The following CHCHD6 variants were observed in gnomAD, a reference collection of about 807,000 sequenced individuals.
CHCHD6 encodes the protein coiled-coil-helix-coiled-coil-helix domain containing 6, also known as MICOS complex subunit MIC25.
In CHCHD6, 28 loss-of-function variants were observed where a neutral mutation model predicts 32.3. The observed-to-expected ratio is 0.87, with a 90% confidence interval of 0.64 to 1.19. CHCHD6 has a LOEUF of 1.19. Ranked by LOEUF, CHCHD6 falls within the 50% of genes most tolerant of loss-of-function variation. CHCHD6 has a pLI of 0.00. For missense variants in CHCHD6, 333 were observed against 307.0 expected (o/e 1.08, Z -0.63); for synonymous variants, 122 against 117.5 (o/e 1.04, Z -0.25).
chr3:126,752,391 G>C (rs1054936843), intron 4 of CHCHD6, among the ~76,000 whole-genome samples: 13 of 152,198 alleles, frequency 8.5e-5, no homozygotes, highest in African/African-American at 3.1e-4. Context: ...TGTGGTGTGT[G>C]AGCGGAGCCC....
intron 4 of CHCHD6, 48 bp downstream of exon 4, chr3:126,733,270 C>T: frequency 6.4e-7 from 1 of 1,574,690 alleles, no homozygotes; most frequent in East Asian, 2.3e-5. Context: ...GGGCAGCACC[C>T]TGGGAAATAG....
At chr3:126,716,308 C>T (rs994604097) in intron 1 of CHCHD6, among the ~76,000 whole-genome samples, 36 of 152,326 alleles carry the variant, frequency 2.4e-4, no homozygotes, top group Admixed American at 7.8e-4. Context: ...TCATGCCACA[C>T]CTCTCTCTGG....
At position 126,800,022 on chromosome 3, in the gene CHCHD6, A is replaced by G. The variant is rs371186929; in HGVS notation, c.412-52625A>G. 1.8e-4 allele frequency among the ~76,000 whole-genome samples: 27 copies of G among 152,292 alleles called. No homozygotes were observed. In the East Asian group the frequency reaches 4.8e-3, roughly 27 times the overall value. On this transcript the variant is annotated intron_variant, in intron 4 of 7. Transcript: ENST00000290913. The stretch of plus-strand genomic sequence containing the variant: ...TATTTAACCAATTATCTATTATTAT[A>G]TACTTATTTCCTGTTTTTAATATTA...
chr3:126,844,440 C>T (rs1054583964), intron 4 of CHCHD6, among the ~76,000 whole-genome samples: 9 of 152,012 alleles, frequency 5.9e-5, no homozygotes, highest in African/African-American at 1.5e-4. Context: ...ATAATTGTCC[C>T]GTTTATGATT....
chr3:126,779,762 T>G (rs1406809266), intron 4 of CHCHD6, among the ~76,000 whole-genome samples: 1 of 152,200 alleles, frequency 6.6e-6, no homozygotes, highest in African/African-American at 2.4e-5. Flanking sequence ...ATATTTAGTT[T>G]TTGCCAAGCA....
intron 4 of CHCHD6, among the ~76,000 whole-genome samples, chr3:126,823,834 C>T (rs1323451254): frequency 6.6e-6 from 1 of 152,004 alleles, no homozygotes; most frequent in Non-Finnish European, 1.5e-5. Flanking sequence ...ATTGCTTGAG[C>T]CCAGGAGTTT....
At position 126,944,705 on chromosome 3, in the gene CHCHD6, G is replaced by A. The variant is rs115856896; in HGVS notation, c.567-12711G>A. ...AGACGCACAGCACCTGTGTGACAGC[G>A]GGAAGAAGGGCAGGTAACCTTCAGG... On this transcript the variant is annotated intron_variant, in intron 6 of 7. Coordinates refer to ENST00000290913, the MANE Select transcript of CHCHD6 (RefSeq NM_032343.3). Among the ~76,000 whole-genome samples the A allele has an allele frequency of 5.7e-3, 863 of 152,304 alleles. 8 individuals carry two copies. Among genetic ancestry groups the A allele is most frequent in the African/African-American group, 0.02 (824 of 41,558 alleles).
rs150495760 is a variant in CHCHD6 at position 126,784,050 on chromosome 3, A to G, written c.411+50828A>G. On this transcript the variant is annotated intron_variant, in intron 4 of 7. Coordinates refer to ENST00000290913, the MANE Select transcript of CHCHD6 (RefSeq NM_032343.3). ...TCTGTTGACCTCTCCTGGAGACACT[A>G]TGTCTTGTACATGGAGAACTCTTGA... 4.0e-3 allele frequency among the ~76,000 whole-genome samples: 615 copies of G among 152,152 alleles called. 8 individuals are homozygous for G. The highest frequency in any genetic ancestry group is 2.7e-3 in the Non-Finnish European group (185 of 67,998).
intron 1 of CHCHD6, among the ~76,000 whole-genome samples, chr3:126,723,008 A>G (rs996774986): frequency 1.3e-5 from 2 of 152,118 alleles, no homozygotes; most frequent in African/African-American, 4.8e-5. Context: ...GTGCAACTAT[A>G]TTATTTTGCA....
chr3:126,723,007 T>C (rs1054793720), intron 1 of CHCHD6, among the ~76,000 whole-genome samples: 11 of 152,202 alleles, frequency 7.2e-5, no homozygotes, highest in Non-Finnish European at 1.5e-4. Flanking sequence ...TGTGCAACTA[T>C]ATTATTTTGC....
At position 126,848,039 on chromosome 3, in the gene CHCHD6, A is replaced by G. The variant is rs143236976; in HGVS notation, c.412-4608A>G. Among the ~76,000 whole-genome samples the G allele has an allele frequency of 1.8e-3, 270 of 152,216 alleles. 2 individuals carry two copies. The Middle Eastern group carries it at 0.02, about 12-fold the overall frequency. On this transcript the variant is annotated intron_variant, in intron 4 of 7. Coordinates refer to ENST00000290913, the MANE Select transcript of CHCHD6 (RefSeq NM_032343.3). ...CTCTTCTCCAGGCTGGAGTGCAGTG[A>G]TGCGATCATAACTCACCGCAGCCTC...
At chr3:126,855,438 A>C (rs1312071557) in intron 5 of CHCHD6, among the ~76,000 whole-genome samples, 3 of 152,200 alleles carry the variant, frequency 2.0e-5, no homozygotes, top group Non-Finnish European at 4.4e-5. Flanking sequence ...GCGCCTGGCA[A>C]GTGCTGGCTC....
At position 126,947,004 on chromosome 3, in the gene CHCHD6, CAG is replaced by C. The variant is rs1267762428; in HGVS notation, c.567-10409_567-10408del. 2.0e-5 allele frequency among the ~76,000 whole-genome samples: 3 copies of C among 152,358 alleles called. No individual in the cohort carries two copies. The East Asian group carries it at 5.8e-4, about 29-fold the overall frequency. On this transcript the variant is annotated intron_variant, in intron 6 of 7. Transcript: ENST00000290913. ...TATTAAATAAAGTGAAGAGAGCACA[CAG>C]AGGATTTGGGGCCACACGTGTGAGC...
intron 4 of CHCHD6, among the ~76,000 whole-genome samples, chr3:126,799,870 A>G (rs745810299): frequency 6.6e-5 from 10 of 152,162 alleles, no homozygotes; most frequent in Non-Finnish European, 1.2e-4. Context: ...CTTACTTCAT[A>G]TGTTGTTTTG....
chr3:126,715,707 A>C (rs1336645105), intron 1 of CHCHD6, among the ~76,000 whole-genome samples: 1 of 143,986 alleles, frequency 6.9e-6, no homozygotes, highest in East Asian at 2.2e-4. Flanking sequence ...CACGAGCCAT[A>C]CTCAGGGCCT....
At chr3:126,875,366 C>A (rs537210086) in intron 5 of CHCHD6, among the ~76,000 whole-genome samples, 24 of 152,324 alleles carry the variant, frequency 1.6e-4, no homozygotes, top group African/African-American at 5.8e-4. Context: ...GAGCAGAGAC[C>A]CAGGCCTGTC....
intron 5 of CHCHD6, among the ~76,000 whole-genome samples, chr3:126,890,759 G>T (rs1216797021): frequency 2.6e-5 from 4 of 152,198 alleles, no homozygotes; most frequent in Admixed American, 6.5e-5. Flanking sequence ...CACCTTCAGT[G>T]CCTTGATTTT....
intron 6 of CHCHD6, among the ~76,000 whole-genome samples, chr3:126,946,380 T>C (rs2078639041): frequency 1.3e-5 from 2 of 152,250 alleles, no homozygotes; most frequent in Admixed American, 1.3e-4. Flanking sequence ...CTTTCTTCTT[T>C]CCGTGTGTGT....
intron 4 of CHCHD6, among the ~76,000 whole-genome samples, chr3:126,792,863 A>G (rs1052259515): frequency 1.1e-4 from 17 of 151,950 alleles, no homozygotes; most frequent in Non-Finnish European, 4.4e-5. Context: ...ATTTTTGTAG[A>G]TTTGCCTACT....
Sources: allele counts gnomAD v4.1 joint callset (sites outside exome capture counted in the v4.1 genomes callset), GRCh38; gene constraint gnomAD v4.1.1; transcripts MANE v1.5; gene names NCBI Gene and HGNC (gene_info 2026-07-23, HGNC 2026-07-21).